Variants in CAMKMT observed in about 807,000 individuals in gnomAD.
CAMKMT encodes calmodulin-lysine N-methyltransferase, also known as CaM KMT.
CAMKMT carries 53 observed loss-of-function variants against 48.0 expected under a neutral mutation model. The ratio of observed to expected loss-of-function variants is 1.10; its 90% CI spans 0.89 to 1.39. CAMKMT has a LOEUF of 1.39. Among genes scored for constraint, CAMKMT ranks in the 40% most tolerant of loss-of-function variants. The pLI is 0.00. For missense variants in CAMKMT, 428 were observed against 402.7 expected (o/e 1.06, Z -0.54); for synonymous variants, 165 against 152.3 (o/e 1.08, Z -0.61).
At chr2:44,397,542 A>G (rs1681967781) in intron 3 of CAMKMT, among the ~76,000 whole-genome samples, 1 of 152,170 alleles carries the variant, frequency 6.6e-6, no homozygotes, top group Non-Finnish European at 1.5e-5. Context: ...TGTGTCTCCA[A>G]CTTCTTAGCT....
intron 3 of CAMKMT, among the ~76,000 whole-genome samples, chr2:44,487,711 G>A (rs531360777): frequency 6.6e-6 from 1 of 152,330 alleles, no homozygotes; most frequent in Admixed American, 6.5e-5. Context: ...ATGGATGCAA[G>A]TCCTCAAATG....
intron 3 of CAMKMT, among the ~76,000 whole-genome samples, chr2:44,666,675 A>C (rs1447793389): frequency 6.7e-6 from 1 of 149,630 alleles, no homozygotes; most frequent in Non-Finnish European, 1.5e-5. Flanking sequence ...GCAGTGGCAC[A>C]GTCTCGGCTC....
chr2:44,673,151 C>T (rs935049070), intron 3 of CAMKMT, among the ~76,000 whole-genome samples: 56 of 151,900 alleles, frequency 3.7e-4, no homozygotes, highest in African/African-American at 1.3e-3. Context: ...ATAGGCTGGG[C>T]GACGTGGCTC....
chr2:44,450,655 T>G (rs1188206270), intron 3 of CAMKMT, among the ~76,000 whole-genome samples: 1 of 152,146 alleles, frequency 6.6e-6, no homozygotes, highest in Non-Finnish European at 1.5e-5. Context: ...GTTAATAAAT[T>G]TTGAAATGCT....
intron 6 of CAMKMT, among the ~76,000 whole-genome samples, chr2:44,710,588 T>C (rs1677826231): frequency 6.6e-6 from 1 of 152,034 alleles, no homozygotes; most frequent in South Asian, 2.1e-4. Context: ...CTCAAATTTA[T>C]TCTAAAATAG....
rs548638829 is a variant in CAMKMT, at chr2:44,686,523, C to T, written c.377-17760C>T. 1.4e-4 allele frequency among the ~76,000 whole-genome samples: 21 copies of T among 152,112 alleles called. No homozygotes were observed. In the East Asian group the frequency reaches 3.1e-3, roughly 22 times the overall value. On this transcript the variant is annotated intron_variant, in intron 3 of 10. Transcript: ENST00000378494. ...GATGTTAACAATGGGAGAAACTGAG[C>T]GAATGCTAGGAACTCTCTACTATCT...
chr2:44,513,911 G>T (rs1305416557), intron 3 of CAMKMT, among the ~76,000 whole-genome samples: 3 of 151,908 alleles, frequency 2.0e-5, no homozygotes, highest in African/African-American at 7.3e-5. Context: ...GACCAGCCTG[G>T]GCAACATGAT....
chr2:44,479,889 G>C (rs1188862850), intron 3 of CAMKMT, among the ~76,000 whole-genome samples: 1 of 152,130 alleles, frequency 6.6e-6, no homozygotes, highest in African/African-American at 2.4e-5. Context: ...AAATTATGAA[G>C]TATAAATTTT....
intron 3 of CAMKMT, among the ~76,000 whole-genome samples, chr2:44,605,028 T>C (rs1464914073): frequency 6.6e-6 from 1 of 152,158 alleles, no homozygotes; most frequent in Admixed American, 6.5e-5. Flanking sequence ...GGACATGCAA[T>C]TACAAGGCCC....
chr2:44,657,260 A>C lies in CAMKMT; in HGVS notation c.377-47023A>C, dbSNP rs557027040. The stretch of plus-strand genomic sequence containing the variant: ...TTCTTCAATTTGAGGTTCCTGGTAC[A>C]TTAAAGAACTAAAGAAATGCCAGAA... On this transcript the variant is annotated intron_variant, in intron 3 of 10. Transcript: ENST00000378494. The surrounding 1 kb of genome is among the most constrained non-coding windows in gnomAD (Gnocchi z 4.3). 3.3e-5 allele frequency among the ~76,000 whole-genome samples: 5 copies of C among 152,340 alleles called. No individual in the cohort carries two copies. The South Asian group carries it at 1.0e-3, about 32-fold the overall frequency.
At chr2:44,687,306 T>C (rs193231704) in intron 3 of CAMKMT, among the ~76,000 whole-genome samples, 1 of 152,228 alleles carries the variant, frequency 6.6e-6, no homozygotes, top group South Asian at 2.1e-4. Flanking sequence ...GCTTACCATA[T>C]TGTTTTACTG....
At chr2:44,698,929 T>A (rs2104249046) in intron 3 of CAMKMT, among the ~76,000 whole-genome samples, 1 of 152,338 alleles carries the variant, frequency 6.6e-6, no homozygotes, top group South Asian at 2.1e-4. Context: ...GTTCACAGCA[T>A]CTTCACCAGG....
chr2:44,427,928 G>A (rs1005221675), intron 3 of CAMKMT, among the ~76,000 whole-genome samples: 1 of 152,190 alleles, frequency 6.6e-6, no homozygotes, highest in Non-Finnish European at 1.5e-5. Context: ...GCATACAGGT[G>A]AGGGGGTGCA....
intron 3 of CAMKMT, among the ~76,000 whole-genome samples, chr2:44,501,080 G>A (rs1236000561): frequency 6.7e-6 from 1 of 150,200 alleles, no homozygotes; most frequent in Non-Finnish European, 1.5e-5. Context: ...TTTTTTCCTG[G>A]AGACTTGTAC....
At chr2:44,746,977 A>G (rs1451770557) in intron 8 of CAMKMT, among the ~76,000 whole-genome samples, 1 of 152,206 alleles carries the variant, frequency 6.6e-6, no homozygotes, top group Non-Finnish European at 1.5e-5. Context: ...AGTTTATTGT[A>G]GCTCTGCAAA....
At chr2:44,613,052 A>G (rs1421782208) in intron 3 of CAMKMT, among the ~76,000 whole-genome samples, 1 of 152,204 alleles carries the variant, frequency 6.6e-6, no homozygotes, top group Non-Finnish European at 1.5e-5. Context: ...ATAGGAATCT[A>G]TGGTATTCTC....
At chr2:44,677,278 T>C (rs1359030671) in intron 3 of CAMKMT, among the ~76,000 whole-genome samples, 1 of 152,204 alleles carries the variant, frequency 6.6e-6, no homozygotes, top group Non-Finnish European at 1.5e-5. Context: ...CCAGGAGTTT[T>C]AACAGGGATA....
intron 7 of CAMKMT, among the ~76,000 whole-genome samples, chr2:44,727,255 G>T (rs1054303595): frequency 6.6e-6 from 1 of 152,136 alleles, no homozygotes; most frequent in African/African-American, 2.4e-5. Flanking sequence ...CCATGAGCCT[G>T]GAATGTTTTT....
chr2:44,595,590 A>G (rs1044564020), intron 3 of CAMKMT, among the ~76,000 whole-genome samples: 1 of 152,256 alleles, frequency 6.6e-6, no homozygotes, highest in Non-Finnish European at 1.5e-5. Context: ...TTATAGATTC[A>G]GTGCTATCCC....
Sources: gnomAD v4.1 joint callset for allele counts (sites outside exome capture counted in the v4.1 genomes callset) on GRCh38, gnomAD v4.1.1 for gene constraint, Gnocchi (gnomAD v3.1) non-coding constraint, MANE v1.5 for transcripts, NCBI Gene and HGNC (gene_info 2026-07-23, HGNC 2026-07-21) for gene names.